DOCK4: variants seen among roughly 807,000 people sequenced by gnomAD.
DOCK4 encodes the protein dedicator of cytokinesis 4.
A neutral mutation model predicts 268.1 loss-of-function variants in DOCK4; 97 were observed. That is an observed-to-expected ratio of 0.36 (90% confidence interval 0.31 to 0.43). DOCK4 has a LOEUF of 0.43. Ranked by LOEUF, DOCK4 falls within the 20% of genes least tolerant of loss-of-function variation. The probability of loss-of-function intolerance (pLI) is 1.00; values close to 1 mark genes in which losing one functional copy is unlikely to be tolerated. For synonymous variants in DOCK4, 954 were observed against 887.2 expected (o/e 1.08, Z -1.34); for missense variants, 2,145 against 2,455.7 (o/e 0.87, Z 2.67).
intron 1 of DOCK4, among the ~76,000 whole-genome samples, chr7:112,132,102 C>T (rs986340067): frequency 5.3e-5 from 8 of 152,016 alleles, no homozygotes; most frequent in Admixed American, 4.6e-4. Context: ...GTTTGGCAGC[C>T]CTTAGACCAT....
At chr7:112,170,883 T>G (rs1284466957) in intron 1 of DOCK4, among the ~76,000 whole-genome samples, 1 of 152,188 alleles carries the variant, frequency 6.6e-6, no homozygotes, top group East Asian at 1.9e-4. Context: ...TAAAAAAAAT[T>G]GCACTTTTAG....
At chr7:111,767,978 A>C (rs1243074846) in intron 37 of DOCK4, among the ~76,000 whole-genome samples, 3 of 152,162 alleles carry the variant, frequency 2.0e-5, no homozygotes, top group Non-Finnish European at 2.9e-5. Flanking sequence ...AGTTTTTGTC[A>C]CAACTCTGCT....
At chr7:112,052,463 C>A (rs950600375) in intron 1 of DOCK4, among the ~76,000 whole-genome samples, 1 of 152,052 alleles carries the variant, frequency 6.6e-6, no homozygotes, top group East Asian at 1.9e-4. Flanking sequence ...CTTCTTCCCC[C>A]CCTCACTTCG....
At chr7:112,146,390 T>C (rs764282838) in intron 1 of DOCK4, among the ~76,000 whole-genome samples, 3 of 152,100 alleles carry the variant, frequency 2.0e-5, no homozygotes, top group African/African-American at 4.8e-5. Context: ...TTAAATAAAA[T>C]AGAGGAATTT....
intron 26 of DOCK4, among the ~76,000 whole-genome samples, chr7:111,832,320 C>G (rs906305454): frequency 6.6e-6 from 1 of 152,174 alleles, no homozygotes; most frequent in Non-Finnish European, 1.5e-5. Flanking sequence ...TCCATAGCAT[C>G]GCGTGCTTAC....
Position 112,200,725 on chromosome 7 carries a change from T to TAAAAAAAAAAAAAAA in DOCK4, c.37+5376_37+5377insTTTTTTTTTTTTTTT, listed in dbSNP as rs1335683859. Among the ~76,000 whole-genome samples, 16 of 102,628 alleles carry TAAAAAAAAAAAAAAA rather than the reference T, an allele frequency of 1.6e-4. 1 individual carries two copies. The highest frequency in any genetic ancestry group is 4.0e-4 in the African/African-American group (12 of 29,806). 67.3% of individuals were successfully genotyped at this position (102,628 alleles called of 152,430 possible). On this transcript the variant is annotated intron_variant, in intron 1 of 52. Coordinates refer to ENST00000428084, the MANE Select transcript of DOCK4 (RefSeq NM_001363540.2). ...CTAGCTACCATAACAGCCTCTAAAATAAAAAAAAAAAAACAAAAAAAAACA... is the reference window on the plus strand; with the variant it reads ...CTAGCTACCATAACAGCCTCTAAAATAAAAAAAAAAAAAAAAAAAAAAAAAAAACAAAAAAAAACA...
intron 1 of DOCK4, among the ~76,000 whole-genome samples, chr7:112,130,094 A>C (rs1216473517): frequency 6.6e-6 from 1 of 152,176 alleles, no homozygotes; most frequent in Non-Finnish European, 1.5e-5. Context: ...CATTCAGGGA[A>C]ATTTGAGCCG....
chr7:112,052,114 T>C (rs1374281528), intron 1 of DOCK4, among the ~76,000 whole-genome samples: 3 of 152,132 alleles, frequency 2.0e-5, no homozygotes, highest in African/African-American at 7.2e-5. Flanking sequence ...CCTAACACAA[T>C]GTAAACGCTA....
intron 1 of DOCK4, among the ~76,000 whole-genome samples, chr7:112,035,032 T>C (rs933885766): frequency 7.2e-5 from 11 of 152,222 alleles, no homozygotes; most frequent in African/African-American, 2.7e-4. Context: ...AGGAAAGTCC[T>C]GGACACACGG....
In DOCK4 at chr7:111,856,730, G is replaced by T. The variant is rs1475854048; in HGVS notation, c.2473+6642C>A. ...AAAAGCCTGGGGAGAGGGAACCAGA[G>T]GGGAATACGGGTAAGCGGGAAGAGG... On this transcript the variant is annotated intron_variant, in intron 23 of 52. Coordinates refer to ENST00000428084, the MANE Select transcript of DOCK4 (RefSeq NM_001363540.2). Among the ~76,000 whole-genome samples, 4 of 152,162 alleles carry T rather than the reference G, an allele frequency of 2.6e-5. No individual in the cohort carries two copies. The South Asian group carries it at 8.3e-4, about 32-fold the overall frequency.
intron 3 of DOCK4, among the ~76,000 whole-genome samples, chr7:111,999,567 C>T (rs1305956068): frequency 6.6e-6 from 1 of 151,862 alleles, no homozygotes; most frequent in East Asian, 1.9e-4. Context: ...TATATAAAAA[C>T]AATGTTAAAT....
chr7:112,095,564 T>C (rs1003700349), intron 1 of DOCK4, among the ~76,000 whole-genome samples: 14 of 152,156 alleles, frequency 9.2e-5, no homozygotes, highest in East Asian at 1.9e-4. Flanking sequence ...GTTGTGGTGA[T>C]AACTCTATCA....
At chr7:112,023,481 C>T (rs1259484994) in intron 1 of DOCK4, 1 of 340,804 alleles carries the variant, frequency 2.9e-6, no homozygotes, top group South Asian at 2.4e-5. Context: ...ATTATAAAAA[C>T]ACATCCTTTG....
At chr7:111,879,568 G>A (rs931355331) in intron 16 of DOCK4, among the ~76,000 whole-genome samples, 5 of 152,218 alleles carry the variant, frequency 3.3e-5, no homozygotes, top group African/African-American at 1.2e-4. Context: ...TTCTGGACCT[G>A]CCCTGGATGA....
chr7:111,865,871 C>G lies in DOCK4; in HGVS notation c.2280+2113G>C, dbSNP rs80336600. Among the ~76,000 whole-genome samples the G allele has an allele frequency of 2.8e-3, 432 of 152,342 alleles. 3 individuals are homozygous for G. The highest frequency in any genetic ancestry group is 9.7e-3 in the African/African-American group (403 of 41,574). On this transcript the variant is annotated intron_variant, in intron 22 of 52. Coordinates refer to ENST00000428084, the MANE Select transcript of DOCK4 (RefSeq NM_001363540.2). ...CTCTGGCAGCTGACAGCACCTCCCC[C>G]CACCGGCTGACTGCCATCAAGGAAA... is the stretch of plus-strand genomic sequence containing the variant.
intron 12 of DOCK4, among the ~76,000 whole-genome samples, chr7:111,933,418 C>T (rs951314439): frequency 4.0e-4 from 61 of 150,668 alleles, no homozygotes; most frequent in African/African-American, 1.3e-3. Context: ...CCTCAGACTC[C>T]GGAGTAGCTG....
chr7:112,057,202 C>T (rs748121542), intron 1 of DOCK4, among the ~76,000 whole-genome samples: 212 of 151,810 alleles, frequency 1.4e-3, no homozygotes, highest in Non-Finnish European at 1.2e-3. Context: ...TCACTTGAGC[C>T]CAGGAGTTCG....
At chr7:112,093,377 T>G (rs1809814420) in intron 1 of DOCK4, among the ~76,000 whole-genome samples, 1 of 152,158 alleles carries the variant, frequency 6.6e-6, no homozygotes, top group African/African-American at 2.4e-5. Flanking sequence ...AAATCATCAT[T>G]AATATACTCT....
chr7:111,863,703 AG>A (rs1199848700), intron 22 of DOCK4, 139 bp from the exon 23 acceptor site: 1 of 933,168 alleles, frequency 1.1e-6, no homozygotes, highest in Admixed American at 3.6e-5. Flanking sequence ...TGTTACCTAA[AG>A]CTAAAAGGTA....
Sources: gnomAD v4.1 joint callset for allele counts (sites outside exome capture counted in the v4.1 genomes callset) on GRCh38, gnomAD v4.1.1 for gene constraint, MANE v1.5 for transcripts, NCBI Gene and HGNC (gene_info 2026-07-23, HGNC 2026-07-21) for gene names.